Variants in AGMO observed in about 807,000 individuals in gnomAD.
AGMO encodes alkylglycerol monooxygenase.
In AGMO, 75 loss-of-function variants were observed where a neutral mutation model predicts 60.2. The observed-to-expected ratio is 1.25, with a 90% CI of 1.03 to 1.51. AGMO has a LOEUF of 1.51. AGMO is among the 40% of genes most tolerant of loss of function. The pLI is 0.00. For missense variants in AGMO, 763 were observed against 525.5 expected (o/e 1.45, Z -4.42); for synonymous variants, 261 against 177.1 (o/e 1.47, Z -3.76).
intron 12 of AGMO, among the ~76,000 whole-genome samples, chr7:15,351,017 G>T (rs78919550): frequency 0.011 from 1,634 of 152,210 alleles, 17 homozygotes; most frequent in Non-Finnish European, 0.012. Context: ...CTCACTGTGG[G>T]CATGCATGAG....
At chr7:15,521,026 C>T (rs914290727) in intron 3 of AGMO, among the ~76,000 whole-genome samples, 1 of 152,216 alleles carries the variant, frequency 6.6e-6, no homozygotes, top group South Asian at 2.1e-4. Flanking sequence ...CACCACTGAT[C>T]CCACAGAAAT....
At chr7:15,290,611 A>G (rs2128521882) in intron 12 of AGMO, among the ~76,000 whole-genome samples, 1 of 152,300 alleles carries the variant, frequency 6.6e-6, no homozygotes, top group East Asian at 1.9e-4. Context: ...ATGTGGTCAC[A>G]TAGAGGAATG....
intron 12 of AGMO, among the ~76,000 whole-genome samples, chr7:15,244,509 T>C (rs1159813744): frequency 6.6e-6 from 1 of 152,164 alleles, no homozygotes; most frequent in Non-Finnish European, 1.5e-5. Context: ...AGCTAATAAA[T>C]GTCAATGCAA....
the AGMO span, among the ~76,000 whole-genome samples, chr7:15,174,606 TC>T: frequency 6.6e-6 from 1 of 151,910 alleles, no homozygotes; most frequent in Non-Finnish European, 1.5e-5. Context: ...TGCTCTATAC[TC>T]CCATAGAAAT....
intron 12 of AGMO, among the ~76,000 whole-genome samples, chr7:15,229,008 A>C (rs562318609): frequency 5.3e-5 from 8 of 152,128 alleles, no homozygotes; most frequent in Non-Finnish European, 1.2e-4. Context: ...AAACAAGCTG[A>C]AACTCCTGCT....
intron 12 of AGMO, among the ~76,000 whole-genome samples, chr7:15,218,549 A>AAG (rs534805035): frequency 2.5e-5 from 2 of 80,802 alleles, no homozygotes; most frequent in Non-Finnish European, 2.3e-5. Flanking sequence ...CATTTCCTTT[A>AAG]AAAAAAATCT....
chr7:15,525,921 G>T (rs2099500), intron 3 of AGMO, among the ~76,000 whole-genome samples: 6,843 of 152,212 alleles, frequency 0.045, 496 homozygotes, highest in African/African-American at 0.16. Flanking sequence ...CATTCCCCTC[G>T]TCTGAACACT....
At chr7:15,518,943 A>G (rs895996282) in intron 3 of AGMO, among the ~76,000 whole-genome samples, 1 of 151,876 alleles carries the variant, frequency 6.6e-6, no homozygotes, top group African/African-American at 2.4e-5. Flanking sequence ...GCAATTGCTA[A>G]CTAGAATAAC....
rs1554283126 is a variant in AGMO, at chr7:15,529,667, C to CTGTATACAGAATATATATAG, written c.409+15104_409+15105insCTATATATATTCTGTATACA. 1.1e-3 allele frequency among the ~76,000 whole-genome samples: 17 copies of CTGTATACAGAATATATATAG among 15,032 alleles called. 2 individuals are homozygous for CTGTATACAGAATATATATAG. The highest frequency in any genetic ancestry group is 9.8e-3 in the East Asian group (1 of 102). 9.9% of individuals were successfully genotyped at this position (15,032 alleles called of 152,430 possible). On this transcript the variant is annotated intron_variant, in intron 3 of 12. Transcript: ENST00000342526. Reference sequence around the variant, plus strand: ...ATATACTATATATTCTATATATATTCTATATATATTCTATATATAGAATAT... The same window carrying CTGTATACAGAATATATATAG: ...ATATACTATATATTCTATATATATTCTGTATACAGAATATATATAGTATATATATTCTATATATAGAATAT...
chr7:15,331,654 C>A (rs774457410), intron 12 of AGMO, among the ~76,000 whole-genome samples: 1 of 152,090 alleles, frequency 6.6e-6, no homozygotes, highest in Admixed American at 6.6e-5. Flanking sequence ...CGACCAGGCG[C>A]GGTGGCTCAC....
At chr7:15,160,341 A>G in the AGMO span, among the ~76,000 whole-genome samples, 3 of 152,298 alleles carry the variant, frequency 2.0e-5, no homozygotes, top group East Asian at 5.8e-4. Flanking sequence ...ATCTAATTTT[A>G]TAGTAACTTT....
the AGMO span, among the ~76,000 whole-genome samples, chr7:15,177,848 A>T: frequency 6.6e-6 from 1 of 152,178 alleles, no homozygotes; most frequent in Non-Finnish European, 1.5e-5. Context: ...TGTTAAAAGT[A>T]AAAATCAATA....
intron 12 of AGMO, among the ~76,000 whole-genome samples, chr7:15,261,344 C>T (rs747507639): frequency 2.0e-5 from 3 of 151,912 alleles, no homozygotes; most frequent in African/African-American, 4.8e-5. Context: ...CACAGAAATA[C>T]AAAAGATTAT....
At chr7:15,429,129 T>C (rs574475895) in intron 4 of AGMO, among the ~76,000 whole-genome samples, 2 of 152,198 alleles carry the variant, frequency 1.3e-5, no homozygotes, top group South Asian at 2.1e-4. Context: ...GCATAAGCTA[T>C]AGGTTATGAA....
chr7:15,234,548 T>G (rs990686261), intron 12 of AGMO, among the ~76,000 whole-genome samples: 3 of 152,178 alleles, frequency 2.0e-5, no homozygotes, highest in African/African-American at 7.2e-5. Context: ...TTTGTTTTGT[T>G]TTTGTGTTTT....
chr7:15,366,256 T>G, intron 10 of AGMO, 34 bp from the exon 11 acceptor site: 1 of 1,524,394 alleles, frequency 6.6e-7, no homozygotes, highest in South Asian at 1.2e-5. Flanking sequence ...ATGGAGCCGT[T>G]AGAAGAATTG....
rs1207252003 is a variant in AGMO, at chr7:15,354,371, CGTGTGTATACACGTGTGTGTATACACGT to C, written c.1263+11115_1263+11142del. On this transcript the variant is annotated intron_variant, in intron 12 of 12. Transcript: ENST00000342526. ...GTGTATATAGACGTGTGTATATAGA[CGTGTGTATACACGTGTGTGTATACACGT>C]GTGTGTACACACGTGTGTGTATACA... 3.6e-5 allele frequency among the ~76,000 whole-genome samples: 2 copies of C among 55,210 alleles called. 1 individual carries two copies. The highest frequency in any genetic ancestry group is 6.2e-5 in the Non-Finnish European group (2 of 32,426). The allele number at this position is 55,210 out of a possible 152,430, so 36.2% of individuals were successfully genotyped here.
chr7:15,348,524 CATTATA>C (rs1782115571), intron 12 of AGMO, among the ~76,000 whole-genome samples: 1 of 151,942 alleles, frequency 6.6e-6, no homozygotes, highest in Non-Finnish European at 1.5e-5. Flanking sequence ...TTGGAATATC[CATTATA>C]ATTATTCAGC....
intron 3 of AGMO, among the ~76,000 whole-genome samples, chr7:15,470,103 T>C (rs572580067): frequency 7.9e-5 from 12 of 151,962 alleles, no homozygotes; most frequent in Non-Finnish European, 1.2e-4. Flanking sequence ...AGTCAAGATG[T>C]AGAAGAATTA....
Sources: gnomAD v4.1 joint callset for allele counts (sites outside exome capture counted in the v4.1 genomes callset) on GRCh38, gnomAD v4.1.1 for gene constraint, MANE v1.5 for transcripts, NCBI Gene and HGNC (gene_info 2026-07-23, HGNC 2026-07-21) for gene names.